The following TGFB2 variants were observed in gnomAD, a reference collection of about 807,000 sequenced individuals.
The protein encoded by TGFB2 is transforming growth factor beta-2 proprotein.
A neutral mutation model predicts 42.7 loss-of-function variants in TGFB2; 13 were observed. The ratio of observed to expected loss-of-function variants is 0.30; its 90% CI spans 0.20 to 0.48. The LOEUF (loss-of-function observed/expected upper bound fraction) is 0.48, where lower values mean the gene tolerates loss of function less well. Among genes scored for constraint, TGFB2 ranks in the 20% least tolerant of loss-of-function variants. The probability of loss-of-function intolerance (pLI) is 0.99; values close to 1 mark genes in which losing one functional copy is unlikely to be tolerated. For missense variants in TGFB2, 390 were observed against 517.5 expected (o/e 0.75, Z 2.39); for synonymous variants, 193 against 193.6 (o/e 1.00, Z 0.03).
At chr1:218,357,806 G>A (rs1247478736) in intron 1 of TGFB2, among the ~76,000 whole-genome samples, 2 of 152,200 alleles carry the variant, frequency 1.3e-5, no homozygotes, top group Non-Finnish European at 1.5e-5. Flanking sequence ...TCTATATGTC[G>A]GTAATTATGA....
chr1:218,352,618 G>A lies in TGFB2; in HGVS notation c.346+5571G>A, dbSNP rs1040012176. On this transcript the variant is annotated intron_variant, in intron 1 of 6. Coordinates refer to ENST00000366930, the MANE Select transcript of TGFB2 (RefSeq NM_003238.6). ...CACAAGCTGCTTTTGATGGTTGGCT[G>A]TTTTGTTTCTTTTCTAAGCGCTGAT... 2.0e-5 allele frequency among the ~76,000 whole-genome samples: 3 copies of A among 152,270 alleles called. No homozygotes were observed. In the South Asian group the frequency reaches 6.2e-4, roughly 32 times the overall value.
At chr1:218,415,104 G>C (rs573354021) in intron 2 of TGFB2, among the ~76,000 whole-genome samples, 4 of 152,266 alleles carry the variant, frequency 2.6e-5, no homozygotes, top group African/African-American at 9.6e-5. Context: ...GCAGATGAAA[G>C]CACCTACTTG....
At position 218,442,226 on chromosome 1, in the gene TGFB2, A is replaced by G. The variant is rs1208849453; in HGVS notation, c.*864A>G. On this transcript the variant is annotated 3_prime_UTR_variant, in exon 7 of 7. Transcript: ENST00000366930. Reference sequence around the variant, plus strand: ...CAGTGAAATGTTGAAATGTTTTGACATGTACTGGTCAAACTTCAGACCTTA... The same window carrying G: ...CAGTGAAATGTTGAAATGTTTTGACGTGTACTGGTCAAACTTCAGACCTTA... The G allele has an allele frequency of 6.6e-6, 1 of 152,002 alleles. No individual in the cohort carries two copies. Among genetic ancestry groups the G allele is most frequent in the Admixed American group, 6.6e-5 (1 of 15,262 alleles). The allele number at this position is 152,002 out of a possible 1,614,324, so 9.4% of individuals were successfully genotyped here. A position where few individuals can be genotyped will look rare whatever the true frequency, so the allele number is the denominator to read the frequency against.
chr1:218,425,181 G>C lies in TGFB2; in HGVS notation c.511-8901G>C, dbSNP rs531539354. Among the ~76,000 whole-genome samples, 5 of 152,182 alleles carry C rather than the reference G, an allele frequency of 3.3e-5. No homozygotes were observed. The South Asian group carries it at 8.3e-4, about 25-fold the overall frequency. The stretch of plus-strand genomic sequence containing the variant: ...TTGTTAACACACCTAAGTGCTTCAG[G>C]CTTCCGTTTTTTGTTTGTTTGTTTG... On this transcript the variant is annotated intron_variant, in intron 2 of 6. Transcript: ENST00000366930.
intron 2 of TGFB2, among the ~76,000 whole-genome samples, chr1:218,408,335 G>A (rs1249176711): frequency 1.3e-5 from 2 of 152,134 alleles, no homozygotes; most frequent in Non-Finnish European, 2.9e-5. Flanking sequence ...GTGCCTCAGA[G>A]GTTTCTGAAG....
intron 1 of TGFB2, among the ~76,000 whole-genome samples, chr1:218,380,583 TA>T (rs1296188778): frequency 2.6e-5 from 4 of 151,850 alleles, no homozygotes; most frequent in African/African-American, 4.8e-5. Context: ...GGCTGCAGAG[TA>T]TATGTGTCCG....
chr1:218,382,497 T>C (rs1657998748), intron 1 of TGFB2, among the ~76,000 whole-genome samples: 1 of 152,230 alleles, frequency 6.6e-6, no homozygotes, highest in African/African-American at 2.4e-5. Flanking sequence ...ATCCAGGCGC[T>C]CGCTGATGTG....
intron 2 of TGFB2, among the ~76,000 whole-genome samples, chr1:218,411,279 TTTG>T (rs1659088365): frequency 6.6e-6 from 1 of 152,186 alleles, no homozygotes; most frequent in Admixed American, 6.5e-5. Context: ...TTCACAAGTT[TTTG>T]TGGGTCAGAA....
At chr1:218,423,172 C>T (rs1233598519) in intron 2 of TGFB2, among the ~76,000 whole-genome samples, 1 of 152,114 alleles carries the variant, frequency 6.6e-6, no homozygotes, top group Non-Finnish European at 1.5e-5. Flanking sequence ...TCTTTAATAA[C>T]ACGGTTTTGA....
Position 218,441,248 on chromosome 1 carries a change from T to G in TGFB2, c.1131T>G (p.Ser377=). 1.2e-6 allele frequency: 2 copies of G among 1,613,924 alleles called. No homozygotes were observed. Among genetic ancestry groups the G allele is most frequent in the East Asian group, 4.5e-5 (2 of 44,860 alleles). Residue 377 remains serine, a synonymous_variant, in exon 7 of 7, where the codon TCT becomes TCG. Transcript: ENST00000366930. ...YNTINPEASA[S]PCCVSQDLEP... is the part of the protein sequence containing the mutation. ...CCATAAATCCAGAAGCATCTGCTTC[T>G]CCTTGCTGCGTGTCCCAAGATTTAG...
chr1:218,375,878 T>C (rs1472179551), intron 1 of TGFB2, among the ~76,000 whole-genome samples: 1 of 152,206 alleles, frequency 6.6e-6, no homozygotes, highest in African/African-American at 2.4e-5. Flanking sequence ...TTTACCTATG[T>C]AACAAACCTT....
intron 1 of TGFB2, among the ~76,000 whole-genome samples, chr1:218,386,255 G>A (rs1190689013): frequency 6.6e-6 from 1 of 152,206 alleles, no homozygotes; most frequent in African/African-American, 2.4e-5. Context: ...TGTTGCACAA[G>A]TGACTTGCCT....
At chr1:218,381,588 T>C (rs1160978526) in intron 1 of TGFB2, among the ~76,000 whole-genome samples, 1 of 152,072 alleles carries the variant, frequency 6.6e-6, no homozygotes, top group Admixed American at 6.6e-5. Flanking sequence ...AATCCAGGAG[T>C]AGAATCTGGG....
chr1:218,361,898 G>T (rs1438278963), intron 1 of TGFB2, among the ~76,000 whole-genome samples: 1 of 152,192 alleles, frequency 6.6e-6, no homozygotes, highest in Non-Finnish European at 1.5e-5. Context: ...GCTGGAAGCA[G>T]CATATGGTGG....
At chr1:218,419,762 TA>T (rs1392403008) in intron 2 of TGFB2, among the ~76,000 whole-genome samples, 1 of 152,218 alleles carries the variant, frequency 6.6e-6, no homozygotes, top group Non-Finnish European at 1.5e-5. Context: ...GAAATGTATA[TA>T]ACTATGCATC....
At chr1:218,382,081 C>T (rs1162653168) in intron 1 of TGFB2, among the ~76,000 whole-genome samples, 1 of 151,968 alleles carries the variant, frequency 6.6e-6, no homozygotes, top group East Asian at 1.9e-4. Context: ...CAGATGGAGG[C>T]CACCATTAAA....
intron 6 of TGFB2, among the ~76,000 whole-genome samples, chr1:218,440,575 A>G (rs979214233): frequency 4.4e-4 from 67 of 152,206 alleles, no homozygotes; most frequent in African/African-American, 1.6e-3. Flanking sequence ...CATTGCATAC[A>G]GGTGTCTTTT....
rs188856339 is a variant in TGFB2 at position 218,444,111 on chromosome 1, T to G, written c.*2749T>G. On this transcript the variant is annotated 3_prime_UTR_variant, in exon 7 of 7. Transcript: ENST00000366930. ...CACCTTTCCGATTGCCCTCTGTGCT[T>G]TCTCCCTTAAGGACAGTCACTTCAG... 6.6e-6 allele frequency: 1 copy of G among 152,258 alleles called. No homozygotes were observed. The highest frequency in any genetic ancestry group is 2.4e-5 in the African/African-American group (1 of 41,544). The allele number at this position is 152,258 out of a possible 1,614,324, so 9.4% of individuals were successfully genotyped here.
intron 2 of TGFB2, among the ~76,000 whole-genome samples, chr1:218,432,212 A>G (rs1659828517): frequency 6.6e-6 from 1 of 152,172 alleles, no homozygotes; most frequent in Non-Finnish European, 1.5e-5. Context: ...AATCTACCCT[A>G]CAGGAACATT....
Sources: gnomAD v4.1 joint callset for allele counts (sites outside exome capture counted in the v4.1 genomes callset) on GRCh38, gnomAD v4.1.1 for gene constraint, MANE v1.5 for transcripts, NCBI Gene and HGNC (gene_info 2026-07-23, HGNC 2026-07-21) for gene names.